COL1A1: variants seen among roughly 807,000 people sequenced by gnomAD.
COL1A1 encodes the protein collagen type I alpha 1 chain.
COL1A1 carries 21 observed loss-of-function variants against 195.7 expected under a neutral mutation model. The observed-to-expected ratio is 0.11, with a 90% CI of 0.08 to 0.15. The LOEUF (loss-of-function observed/expected upper bound fraction) is 0.15, where lower values mean the gene tolerates loss of function less well. Among genes scored for constraint, COL1A1 ranks in the 10% least tolerant of loss-of-function variants. The pLI is 1.00. For synonymous variants in COL1A1, 749 were observed against 747.3 expected (o/e 1.00, Z -0.04); for missense variants, 1,365 against 2,051.0 (o/e 0.67, Z 6.46).
At position 50,186,485 on chromosome 17, in the gene COL1A1, G is replaced by A. The variant is rs1466167105; in HGVS notation, c.3837C>T (p.Asn1279=). 3.7e-6 allele frequency: 6 copies of A among 1,614,196 alleles called. No homozygotes were observed. Among genetic ancestry groups the A allele is most frequent in the Non-Finnish European group, 5.1e-6 (6 of 1,180,048 alleles). ...TGATGGCATCCAGGTTGCAGCCTTG[G>A]TTGGGGTCAATCCAGTACTCTCCTG... ...WKSGEYWIDP[N]QGCNLDAIKV... is the part of the protein sequence containing the mutation. The change falls in exon 49 of 51, where the codon AAC becomes AAT. Residue 1279 remains asparagine, a synonymous_variant. Transcript: ENST00000225964. The surrounding 1 kb of genome is among the most constrained non-coding windows in gnomAD (Gnocchi z 5.3).
chr17:50,187,732 C>G, intron 45 of COL1A1, 144 bp downstream of exon 45: 1 of 949,184 alleles, frequency 1.1e-6, no homozygotes, highest in South Asian at 1.5e-5. Flanking sequence ...TCAGAAGCTA[C>G]TTGGACATGC....
chr17:50,188,635 A>T lies in COL1A1; in HGVS notation c.3102T>A (p.Gly1034=). The T allele has an allele frequency of 6.2e-7, 1 of 1,613,908 alleles. No individual in the cohort carries two copies. Among genetic ancestry groups the T allele is most frequent in the Non-Finnish European group, 8.5e-7 (1 of 1,179,940 alleles). The change falls in exon 43 of 51, where the codon GGT becomes GGA. Residue 1034 remains glycine (G), a splice_region_variant and synonymous_variant. Coordinates refer to ENST00000225964, the MANE Select transcript of COL1A1 (RefSeq NM_000088.4). This position sits in a 1 kb window ranked among gnomAD's most constrained non-coding sequence, Gnocchi z 5.6. Reference sequence around the variant, plus strand: ...CAGCGGGGCCGGTCTCACCACGGTCACCCTGGCGGGGAGAGCAGGGGAATA... The same window carrying T: ...CAGCGGGGCCGGTCTCACCACGGTCTCCCTGGCGGGGAGAGCAGGGGAATA... ...PGRDGSPGAK[G]DRGETGPAGP...
chr17:50,187,767 C>T, intron 45 of COL1A1, 109 bp downstream of exon 45: 1 of 1,137,120 alleles, frequency 8.8e-7, no homozygotes, highest in South Asian at 1.4e-5. Context: ...ACCCCAGTCC[C>T]CACTAGGGAG....
In COL1A1 at chr17:50,196,342, C is replaced by G; in HGVS notation, c.929G>C (p.Arg310Thr). The G allele has an allele frequency of 1.2e-6, 2 of 1,612,446 alleles. No homozygotes were observed. The highest frequency in any genetic ancestry group is 1.7e-6 in the Non-Finnish European group (2 of 1,179,142). Reference protein sequence around the residue: ...QMGPRGLPGERGRPGAPGPAG... With the variant: ...QMGPRGLPGETGRPGAPGPAG... Reference sequence around the variant, plus strand: ...AGGGCCAGGGGCTCCAGGGCGACCTCTCTCACCAGGCAGGCCACGGGGGCC... The same window carrying G: ...AGGGCCAGGGGCTCCAGGGCGACCTGTCTCACCAGGCAGGCCACGGGGGCC... Residue 310 changes from arginine (R) to threonine (T), a missense_variant, in exon 14 of 51, where the codon AGA (arginine) becomes ACA (threonine). Physicochemically the swap from Arg to Thr is moderately conservative, Grantham distance 71. Coordinates refer to ENST00000225964, the MANE Select transcript of COL1A1 (RefSeq NM_000088.4).
At chr17:50,199,614 T>C (rs779085451) in intron 2 of COL1A1, 24 bp from the exon 3 acceptor site, 2 of 1,613,836 alleles carry the variant, frequency 1.2e-6, no homozygotes, top group African/African-American at 2.7e-5. Context: ...AGACGCGCGT[T>C]AGAGCCAAGG....
intron 6 of COL1A1, 55 bp downstream of exon 6, chr17:50,198,378 C>T: frequency 6.3e-7 from 1 of 1,592,512 alleles, no homozygotes; most frequent in Non-Finnish European, 8.6e-7. Context: ...CTATGCCCAC[C>T]TCCTCTGGAT....
At position 50,192,490 on chromosome 17, in the gene COL1A1, G is replaced by T. The variant is rs1303827996; in HGVS notation, c.1968C>A (p.Gly656=). The change falls in exon 29 of 51, where the codon GGC becomes GGA. Residue 656 remains glycine (G), a synonymous_variant. Transcript: ENST00000225964. ...TCCCTCTTACCTGTTCACCAGGTTT[G>T]CCTGCTTCACCTGGAGGACCAGCAG... ...PGPAGPPGEA[G]KPGEQGVPGD... is the part of the protein sequence containing the mutation. 1.9e-6 allele frequency: 3 copies of T among 1,612,924 alleles called. No homozygotes were observed. The highest frequency in any genetic ancestry group is 8.5e-7 in the Non-Finnish European group (1 of 1,179,460).
In COL1A1 at chr17:50,199,332, AG is replaced by A. The variant is rs35576965; in HGVS notation, c.370-6del. ...GCCAGGGGGGCCTGCGGGTCCCTGC[AG>A]GGGGAGAGGGCGGGGCCGGGGTGAG... On this transcript the variant is annotated splice_region_variant and splice_polypyrimidine_tract_variant and intron_variant, in intron 4 of 50. Transcript: ENST00000225964. 2 of 1,571,020 alleles carry A rather than the reference AG, an allele frequency of 1.3e-6. No individual in the cohort carries two copies. The highest frequency in any genetic ancestry group is 1.7e-6 in the Non-Finnish European group (2 of 1,158,116).
chr17:50,196,777 C>T (rs1280371680), intron 11 of COL1A1, 107 bp from the exon 12 acceptor site: 2 of 1,333,102 alleles, frequency 1.5e-6, no homozygotes, highest in Non-Finnish European at 2.2e-6. Flanking sequence ...ACCGCCATCC[C>T]TTTGTTTCTG....
chr17:50,196,240 C>A, intron 14 of COL1A1, 41 bp from the exon 15 acceptor site: 2 of 1,613,414 alleles, frequency 1.2e-6, no homozygotes, highest in Non-Finnish European at 1.7e-6. Flanking sequence ...CCACTGAGCA[C>A]TGGCCAGTCC....
chr17:50,194,708 C>T lies in COL1A1; in HGVS notation c.1461+13G>A. The T allele has an allele frequency of 3.8e-6, 6 of 1,562,708 alleles. No individual in the cohort carries two copies. The highest frequency in any genetic ancestry group is 5.2e-6 in the Non-Finnish European group (6 of 1,152,962). ...TGAGGGTGGAGCGGGAGGGGGCGGG[C>T]AGGGACACTTACACGCTCGCCAGGG... On this transcript the variant is annotated intron_variant, in intron 21 of 50. Coordinates refer to ENST00000225964, the MANE Select transcript of COL1A1 (RefSeq NM_000088.4). The surrounding 1 kb of genome is among the most constrained non-coding windows in gnomAD (Gnocchi z 6.8).
In COL1A1 at chr17:50,190,266, C is replaced by A. The variant is rs372327842; in HGVS notation, c.2451+61G>T. The A allele has an allele frequency of 7.4e-7, 1 of 1,349,228 alleles. No homozygotes were observed. The highest frequency in any genetic ancestry group is 1.1e-6 in the Non-Finnish European group (1 of 938,480). The allele number at this position is 1,349,228 out of a possible 1,614,324, so 83.6% of individuals were successfully genotyped here. ...ATGGCTGACGCCTTTGTCCTCATTC[C>A]GTCCCTCGAGGTCCCAGGTCCCAGT... On this transcript the variant is annotated intron_variant, in intron 35 of 50. Transcript: ENST00000225964. This position sits in a 1 kb window ranked among gnomAD's most constrained non-coding sequence, Gnocchi z 4.7.
chr17:50,194,840 C>G lies in COL1A1; in HGVS notation c.1354-12G>C, dbSNP rs72648337. On this transcript the variant is annotated splice_polypyrimidine_tract_variant and intron_variant, in intron 20 of 50. Transcript: ENST00000225964. The surrounding 1 kb of genome is among the most constrained non-coding windows in gnomAD (Gnocchi z 6.8). ...ACACCAACAGGGCCCTGGAGAGGGCCGAGAGGAGGAGGCGGCCTGTGGTGA... is the reference window on the plus strand; with the variant it reads ...ACACCAACAGGGCCCTGGAGAGGGCGGAGAGGAGGAGGCGGCCTGTGGTGA... The G allele has an allele frequency of 6.4e-7, 1 of 1,569,354 alleles. No individual in the cohort carries two copies. The highest frequency in any genetic ancestry group is 8.6e-7 in the Non-Finnish European group (1 of 1,156,800).
rs73338526 is a variant in COL1A1, at chr17:50,195,155, C to T, written c.1300-55G>A. ...GAGTCGGGGGCGCTCAGTTGGCCTG[C>T]GTCTTCCTGCTCCCCAGATGAGAGC... On this transcript the variant is annotated intron_variant, in intron 19 of 50. Coordinates refer to ENST00000225964, the MANE Select transcript of COL1A1 (RefSeq NM_000088.4). The surrounding 1 kb of genome is among the most constrained non-coding windows in gnomAD (Gnocchi z 4.3). 1.4e-4 allele frequency: 227 copies of T among 1,607,036 alleles called. 3 individuals are homozygous for T. In the African/African-American group the frequency reaches 2.2e-3, roughly 15 times the overall value.
At chr17:50,200,241 A>AT (rs1907968761) in intron 1 of COL1A1, 1 of 465,778 alleles carries the variant, frequency 2.1e-6, no homozygotes, top group Admixed American at 3.4e-5. Flanking sequence ...GCCAAGTGAA[A>AT]TAAAAACCAC....
intron 1 of COL1A1, 38 bp downstream of exon 1, chr17:50,201,373 A>T: frequency 6.3e-7 from 1 of 1,592,822 alleles, no homozygotes; most frequent in Non-Finnish European, 8.6e-7. Flanking sequence ...AAGGCGCGAT[A>T]TAGAGTATCC....
intron 2 of COL1A1, 21 bp from the exon 3 acceptor site, chr17:50,199,611 C>G: frequency 6.2e-7 from 1 of 1,614,004 alleles, no homozygotes; most frequent in Non-Finnish European, 8.5e-7. Flanking sequence ...AAGAGACGCG[C>G]GTTAGAGCCA....
rs371309429 is a variant in COL1A1 at position 50,197,007 on chromosome 17, C to T, written c.804+3G>A. The T allele has an allele frequency of 3.1e-6, 5 of 1,613,910 alleles. No individual in the cohort carries two copies. The highest frequency in any genetic ancestry group is 1.3e-5 in the African/African-American group (1 of 74,898). On this transcript the variant is annotated splice_donor_region_variant and intron_variant, in intron 11 of 50. Coordinates refer to ENST00000225964, the MANE Select transcript of COL1A1 (RefSeq NM_000088.4). ...GAGCTTAAATGACTCAAAGGTGACT[C>T]ACTCTGTGTCCCTTCATTCCAGGGA...
Position 50,195,009 on chromosome 17 carries a change from G to T in COL1A1, c.1353+38C>A. The stretch of plus-strand genomic sequence containing the variant: ...TCCCTCAGGGGGCTCCTAGGGCAGG[G>T]TGGGCTGGGCTGCAAGAAGGATGGC... On this transcript the variant is annotated intron_variant, in intron 20 of 50. Coordinates refer to ENST00000225964, the MANE Select transcript of COL1A1 (RefSeq NM_000088.4). This position sits in a 1 kb window ranked among gnomAD's most constrained non-coding sequence, Gnocchi z 4.3. 2.5e-6 allele frequency: 4 copies of T among 1,605,374 alleles called. No homozygotes were observed. The highest frequency in any genetic ancestry group is 3.4e-6 in the Non-Finnish European group (4 of 1,172,918).
Sources: allele counts gnomAD v4.1 joint callset, GRCh38; gene constraint gnomAD v4.1.1; non-coding constraint Gnocchi (gnomAD v3.1); transcripts MANE v1.5; gene names NCBI Gene and HGNC (gene_info 2026-07-23, HGNC 2026-07-21).